Variants in SYN3 observed in about 807,000 individuals in gnomAD.
SYN3 encodes the protein synapsin III, also known as synapsin-3.
A neutral mutation model predicts 65.8 loss-of-function variants in SYN3; 35 were observed. The observed-to-expected ratio is 0.53, with a 90% confidence interval of 0.41 to 0.70. The LOEUF (loss-of-function observed/expected upper bound fraction) is 0.70, where lower values mean the gene tolerates loss of function less well. SYN3 is among the 30% of genes least tolerant of loss of function. SYN3 has a pLI of 0.00. For missense variants in SYN3, 680 were observed against 749.0 expected, an observed-to-expected ratio of 0.91 and a Z score of 1.08; for synonymous variants, 270 against 292.9, an observed-to-expected ratio of 0.92 and a Z score of 0.80.
chr22:32,927,746 G>A (rs949239141), intron 4 of SYN3, among the ~76,000 whole-genome samples: 9 of 151,916 alleles, frequency 5.9e-5, no homozygotes, highest in African/African-American at 9.7e-5. Flanking sequence ...GCAGCTCTAC[G>A]TTAATCTGAG....
chr22:32,580,994 CAG>C (rs1357261957), intron 7 of SYN3, among the ~76,000 whole-genome samples: 1 of 152,214 alleles, frequency 6.6e-6, no homozygotes, highest in Non-Finnish European at 1.5e-5. Flanking sequence ...TGTGCACAGT[CAG>C]GCGCTAGAGG....
At chr22:32,786,507 T>C (rs2046197521) in intron 6 of SYN3, among the ~76,000 whole-genome samples, 2 of 151,710 alleles carry the variant, frequency 1.3e-5, no homozygotes, top group South Asian at 2.1e-4. Flanking sequence ...GGACTACAGG[T>C]GCCCGCCACC....
At position 32,559,832 on chromosome 22, in the gene SYN3, CA is replaced by C. The variant is rs35916830; in HGVS notation, c.775-18120del. ...GAGACAGAGCGAGACTCCGTCTCAA[CA>C]AAAAAAAAAAAAAAGAAAAAAAGAA... is the stretch of plus-strand genomic sequence containing the variant. On this transcript the variant is annotated intron_variant, in intron 7 of 13. Transcript: ENST00000358763. Among the ~76,000 whole-genome samples the C allele has an allele frequency of 2.6e-3, 247 of 96,012 alleles. 1 individual carries two copies. Among genetic ancestry groups the C allele is most frequent in the African/African-American group, 5.6e-3 (132 of 23,730 alleles). The allele number at this position is 96,012 out of a possible 152,430, so 63.0% of individuals were successfully genotyped here.
intron 4 of SYN3, among the ~76,000 whole-genome samples, chr22:32,923,356 T>A (rs2050383818): frequency 6.6e-6 from 1 of 152,122 alleles, no homozygotes; most frequent in Non-Finnish European, 1.5e-5. Context: ...AGGGAAGATC[T>A]TCCTTGATGA....
At position 32,847,281 on chromosome 22, in the gene SYN3, G is replaced by A. The variant is rs192407499; in HGVS notation, c.711+17634C>T. 2.4e-4 allele frequency among the ~76,000 whole-genome samples: 36 copies of A among 152,302 alleles called. No individual in the cohort carries two copies. The East Asian group carries it at 2.9e-3, about 12-fold the overall frequency. On this transcript the variant is annotated intron_variant, in intron 6 of 13. Coordinates refer to ENST00000358763, the MANE Select transcript of SYN3 (RefSeq NM_003490.4). ...GGGGCCTCCGGGAGGCTGGCTTGTC[G>A]CCGAGAATACTACCGCAATGTTAGA...
chr22:32,799,586 A>G (rs1044818233), intron 6 of SYN3, among the ~76,000 whole-genome samples: 6 of 152,222 alleles, frequency 3.9e-5, no homozygotes, highest in Non-Finnish European at 8.8e-5. Context: ...GGCCTCTATC[A>G]TGTAAGATGC....
At chr22:32,962,145 T>C (rs2051675522) in intron 3 of SYN3, among the ~76,000 whole-genome samples, 1 of 146,568 alleles carries the variant, frequency 6.8e-6, no homozygotes. Context: ...TTTTTTTTTT[T>C]TTTTTTTTTG....
intron 3 of SYN3, among the ~76,000 whole-genome samples, chr22:32,940,988 T>C (rs779657685): frequency 1.5e-4 from 23 of 152,226 alleles, no homozygotes; most frequent in Non-Finnish European, 7.3e-5. Context: ...ATTAGATGTT[T>C]CCCTAGCAAT....
intron 3 of SYN3, among the ~76,000 whole-genome samples, chr22:32,946,463 G>A (rs1310926796): frequency 6.7e-6 from 1 of 149,774 alleles, no homozygotes; most frequent in Non-Finnish European, 1.5e-5. Context: ...AACACCGCAT[G>A]TTCTCACTCA....
At chr22:32,518,546 A>C in intron 12 of SYN3, 1 of 708,866 alleles carries the variant, frequency 1.4e-6, no homozygotes, top group South Asian at 1.5e-5. Context: ...ATCACATAGG[A>C]TGTGGCTGAG....
intron 6 of SYN3, among the ~76,000 whole-genome samples, chr22:32,765,013 C>G (rs1569206898): frequency 6.6e-6 from 1 of 151,740 alleles, no homozygotes; most frequent in Non-Finnish European, 1.5e-5. Context: ...GGGCCCCATC[C>G]TGCGCCCCCA....
At chr22:32,864,883 T>C (rs1313869424) in intron 6 of SYN3, 32 bp downstream of exon 6, 3 of 1,579,206 alleles carry the variant, frequency 1.9e-6, no homozygotes, top group Non-Finnish European at 1.7e-6. Flanking sequence ...TTCCGCATCA[T>C]GCAAAGAAAC....
At chr22:32,963,848 A>G (rs2146900880) in intron 3 of SYN3, among the ~76,000 whole-genome samples, 2 of 152,306 alleles carry the variant, frequency 1.3e-5, no homozygotes, top group Admixed American at 1.3e-4. Context: ...GTACAAGAAT[A>G]AGCAAATTAA....
chr22:32,612,762 A>G (rs1207912959), intron 6 of SYN3, among the ~76,000 whole-genome samples: 1 of 152,172 alleles, frequency 6.6e-6, no homozygotes, highest in Non-Finnish European at 1.5e-5. Flanking sequence ...TGATCACTTG[A>G]GCCCAGGAAT....
At chr22:32,652,581 G>A (rs2050912341) in intron 6 of SYN3, among the ~76,000 whole-genome samples, 1 of 151,990 alleles carries the variant, frequency 6.6e-6, no homozygotes, top group South Asian at 2.1e-4. Flanking sequence ...TTACTAAAGG[G>A]AACACTTTCT....
intron 1 of SYN3, among the ~76,000 whole-genome samples, chr22:33,038,718 T>C (rs1338219519): frequency 6.6e-6 from 1 of 152,156 alleles, no homozygotes; most frequent in Non-Finnish European, 1.5e-5. Flanking sequence ...CTGGAGCCCC[T>C]GCCACCAAAC....
intron 2 of SYN3, among the ~76,000 whole-genome samples, chr22:33,001,114 G>A (rs962023433): frequency 1.1e-4 from 17 of 152,186 alleles, no homozygotes; most frequent in African/African-American, 2.9e-4. Context: ...ACTGCCAGAT[G>A]AGTTAATGAG....
At chr22:32,558,546 TTTTCCTATCTTTTCTC>T in intron 7 of SYN3, among the ~76,000 whole-genome samples, 1 of 152,342 alleles carries the variant, frequency 6.6e-6, no homozygotes, top group South Asian at 2.1e-4. Flanking sequence ...AACTTTTCCC[TTTTCCTATCTTTTCTC>T]TTTCCTATCT....
intron 9 of SYN3, among the ~76,000 whole-genome samples, chr22:32,537,733 G>A (rs149116679): frequency 1.3e-5 from 2 of 152,238 alleles, no homozygotes; most frequent in East Asian, 1.9e-4. Context: ...GAAAGACCTC[G>A]GACTTGGAGT....
Sources: gnomAD v4.1 joint callset for allele counts (sites outside exome capture counted in the v4.1 genomes callset) on GRCh38, gnomAD v4.1.1 for gene constraint, MANE v1.5 for transcripts, NCBI Gene and HGNC (gene_info 2026-07-23, HGNC 2026-07-21) for gene names.